Variants in RBFOX3 observed in about 807,000 individuals in gnomAD.
The protein encoded by RBFOX3 is RNA binding fox-1 homolog 3, also known as RNA binding protein fox-1 homolog 3.
Under a neutral mutation model 48.7 loss-of-function variants are expected in RBFOX3, and 17 were observed. That is an observed-to-expected ratio of 0.35 (90% CI 0.24 to 0.52). The LOEUF (loss-of-function observed/expected upper bound fraction) is 0.52. Ranked by LOEUF, RBFOX3 falls within the 20% of genes least tolerant of loss-of-function variation. The pLI, the probability that RBFOX3 is intolerant of heterozygous loss-of-function variation, is 0.94. For missense variants in RBFOX3, 382 were observed against 497.5 expected (o/e 0.77, Z 2.21); for synonymous variants, 212 against 209.5 (o/e 1.01, Z -0.10).
At chr17:79,272,938 G>C (rs951477011) in intron 3 of RBFOX3, among the ~76,000 whole-genome samples, 1 of 152,028 alleles carries the variant, frequency 6.6e-6, no homozygotes, top group Non-Finnish European at 1.5e-5. Context: ...AGTACCAGGA[G>C]CCTCCGAGGG....
At chr17:79,623,124 C>T in the RBFOX3 span, among the ~76,000 whole-genome samples, 4 of 152,210 alleles carry the variant, frequency 2.6e-5, no homozygotes, top group Non-Finnish European at 5.9e-5. Flanking sequence ...GAAGAGACTG[C>T]CTCCACTCAG....
At chr17:79,389,946 C>G (rs891818252) in intron 2 of RBFOX3, among the ~76,000 whole-genome samples, 10 of 152,022 alleles carry the variant, frequency 6.6e-5, no homozygotes, top group Admixed American at 2.0e-4. Flanking sequence ...AGAGCCAGGT[C>G]TCCGCAGCCT....
intron 2 of RBFOX3, among the ~76,000 whole-genome samples, chr17:79,400,588 A>T (rs1455754582): frequency 6.6e-6 from 1 of 152,084 alleles, no homozygotes; most frequent in East Asian, 1.9e-4. Context: ...CCACCTCACA[A>T]GGTGTTGGGG....
At chr17:79,177,211 C>T (rs375589050) in intron 4 of RBFOX3, among the ~76,000 whole-genome samples, 1 of 151,948 alleles carries the variant, frequency 6.6e-6, no homozygotes, top group East Asian at 1.9e-4. Flanking sequence ...TCCTCCTCTC[C>T]CCCCCCGCCC....
At chr17:79,451,799 A>G (rs1877679) in intron 2 of RBFOX3, among the ~76,000 whole-genome samples, 63,796 of 152,160 alleles carry the variant, frequency 0.42, 14,022 homozygotes, top group Admixed American at 0.52. Flanking sequence ...TCAGATCATC[A>G]TGAGTACTGA....
intron 2 of RBFOX3, among the ~76,000 whole-genome samples, chr17:79,314,061 C>T (rs1334535062): frequency 6.6e-6 from 1 of 152,250 alleles, no homozygotes; most frequent in Non-Finnish European, 1.5e-5. Context: ...CATGGTGTTT[C>T]AGTCACAGGC....
chr17:79,604,630 A>C (rs2093785618), intron 1 of RBFOX3, among the ~76,000 whole-genome samples: 1 of 152,214 alleles, frequency 6.6e-6, no homozygotes, highest in East Asian at 1.9e-4. Context: ...TTTTGATGTA[A>C]TCCAGGAGAG....
At chr17:79,171,358 G>C (rs1317009226) in intron 4 of RBFOX3, among the ~76,000 whole-genome samples, 2 of 152,200 alleles carry the variant, frequency 1.3e-5, no homozygotes, top group African/African-American at 4.8e-5. Flanking sequence ...GTGTAGGCCA[G>C]AGACTGGCCA....
intron 2 of RBFOX3, among the ~76,000 whole-genome samples, chr17:79,406,010 T>G (rs1021384173): frequency 1.3e-5 from 2 of 152,258 alleles, no homozygotes; most frequent in Admixed American, 6.5e-5. Flanking sequence ...TTCACCTCCC[T>G]GCATGTATTG....
chr17:79,548,604 G>T (rs556042145), intron 1 of RBFOX3, among the ~76,000 whole-genome samples: 1 of 152,358 alleles, frequency 6.6e-6, no homozygotes, highest in African/African-American at 2.4e-5. Context: ...CTGGAGAGGG[G>T]CCCAGCTCAG....
intron 4 of RBFOX3, among the ~76,000 whole-genome samples, chr17:79,185,890 G>A (rs2053295218): frequency 6.6e-6 from 1 of 152,204 alleles, no homozygotes; most frequent in Non-Finnish European, 1.5e-5. Flanking sequence ...CTCTGCCCTG[G>A]AGTGAGCACA....
At chr17:79,507,093 G>A (rs964880167) in intron 1 of RBFOX3, among the ~76,000 whole-genome samples, 3 of 152,180 alleles carry the variant, frequency 2.0e-5, no homozygotes, top group Admixed American at 6.5e-5. Flanking sequence ...GAGCCTGGCC[G>A]GAGGGCCTGG....
chr17:79,172,571 G>A lies in RBFOX3; in HGVS notation c.-33-56823C>T, dbSNP rs567744080. Among the ~76,000 whole-genome samples the A allele has an allele frequency of 6.6e-4, 101 of 152,306 alleles. 1 individual carries two copies. Among genetic ancestry groups the A allele is most frequent in the Middle Eastern group, 6.8e-3 (2 of 292 alleles). Reference sequence around the variant, plus strand: ...TCCAAGGGAGGCGGCTTGGGGAGCCGGAGGGTCTGCGCTTCTAGCTGGCTC... The same window carrying A: ...TCCAAGGGAGGCGGCTTGGGGAGCCAGAGGGTCTGCGCTTCTAGCTGGCTC... On this transcript the variant is annotated intron_variant, in intron 4 of 14. Coordinates refer to ENST00000693108, the MANE Select transcript of RBFOX3 (RefSeq NM_001350451.2).
the RBFOX3 span, among the ~76,000 whole-genome samples, chr17:79,629,669 C>T: frequency 1.8e-4 from 27 of 152,182 alleles, no homozygotes; most frequent in Non-Finnish European, 1.8e-4. Context: ...AACTCAGGAA[C>T]AAACACAAAG....
At chr17:79,158,053 G>A (rs1026650268) in intron 4 of RBFOX3, among the ~76,000 whole-genome samples, 7 of 152,140 alleles carry the variant, frequency 4.6e-5, no homozygotes, top group Admixed American at 1.3e-4. Context: ...ATTACACTGG[G>A]GTCATTAGGG....
chr17:79,569,240 C>T (rs1677871215), intron 1 of RBFOX3, among the ~76,000 whole-genome samples: 1 of 152,084 alleles, frequency 6.6e-6, no homozygotes, highest in South Asian at 2.1e-4. Context: ...AACAATAGCT[C>T]CCCACTCCCC....
intron 1 of RBFOX3, among the ~76,000 whole-genome samples, chr17:79,509,448 A>C (rs1206171822): frequency 6.6e-6 from 1 of 151,906 alleles, no homozygotes; most frequent in Non-Finnish European, 1.5e-5. Flanking sequence ...CCTCACCTGC[A>C]GGTCCAGAAA....
At chr17:79,664,857 G>T in the RBFOX3 span, among the ~76,000 whole-genome samples, 2 of 152,226 alleles carry the variant, frequency 1.3e-5, no homozygotes, top group African/African-American at 4.8e-5. Context: ...GAATCACACA[G>T]GATTTGTCCT....
Position 79,226,496 on chromosome 17 carries a change from A to G in RBFOX3, c.-34+9270T>C, listed in dbSNP as rs2060324976. Reference sequence around the variant, plus strand: ...CCTGATGAGCAGTCACCTGCCTGCTATGCTTCCCACCGTGGTCAAGAGAAC... The same window carrying G: ...CCTGATGAGCAGTCACCTGCCTGCTGTGCTTCCCACCGTGGTCAAGAGAAC... On this transcript the variant is annotated intron_variant, in intron 4 of 14. Transcript: ENST00000693108. 2.0e-5 allele frequency among the ~76,000 whole-genome samples: 3 copies of G among 152,076 alleles called. No individual in the cohort carries two copies. In the South Asian group the frequency reaches 6.2e-4, roughly 32 times the overall value.
Sources: gnomAD v4.1 joint callset for allele counts (sites outside exome capture counted in the v4.1 genomes callset) on GRCh38, gnomAD v4.1.1 for gene constraint, MANE v1.5 for transcripts, NCBI Gene and HGNC (gene_info 2026-07-23, HGNC 2026-07-21) for gene names.